ANKRD42: variants seen among roughly 807,000 people sequenced by gnomAD.
The protein encoded by ANKRD42 is ankyrin repeat domain 42.
In ANKRD42, 43 loss-of-function variants were observed where a neutral mutation model predicts 51.5. That is an observed-to-expected ratio of 0.83 (90% CI 0.65 to 1.08). The LOEUF (loss-of-function observed/expected upper bound fraction) is 1.08, where lower values mean the gene tolerates loss of function less well. Ranked by LOEUF, ANKRD42 falls within the 50% of genes least tolerant of loss-of-function variation. The pLI is 0.00. For synonymous variants in ANKRD42, 203 were observed against 213.0 expected, an observed-to-expected ratio of 0.95 and a Z score of 0.41; for missense variants, 608 against 629.3, an observed-to-expected ratio of 0.97 and a Z score of 0.36.
At position 83,248,341 on chromosome 11, in the gene ANKRD42, T is replaced by G; in HGVS notation, c.*137T>G. The G allele has an allele frequency of 7.3e-7, 1 of 1,372,008 alleles. No homozygotes were observed. The highest frequency in any genetic ancestry group is 9.3e-7 in the Non-Finnish European group (1 of 1,071,294). 85.0% of individuals were successfully genotyped at this position (1,372,008 alleles called of 1,614,324 possible). On this transcript the variant is annotated 3_prime_UTR_variant, in exon 11 of 11. Coordinates refer to ENST00000533342, the MANE Select transcript of ANKRD42 (RefSeq NM_001300975.2). ...CACACACACACACACACACACTCTA[T>G]ATGTAACTATAACTTTCTAGATACA...
chr11:83,194,286 C>T lies in ANKRD42; in HGVS notation c.-385C>T, dbSNP rs776660559. 4.1e-6 allele frequency: 2 copies of T among 483,042 alleles called. No homozygotes were observed. Among genetic ancestry groups the T allele is most frequent in the South Asian group, 3.1e-5 (2 of 64,770 alleles). 29.9% of individuals were successfully genotyped at this position (483,042 alleles called of 1,614,324 possible). On this transcript the variant is annotated 5_prime_UTR_variant, in exon 1 of 11. Coordinates refer to ENST00000533342, the MANE Select transcript of ANKRD42 (RefSeq NM_001300975.2). ...ACATTCGGGACCCGCGAACTAGTGACTTCGGGGATAGAGTCAGTGACGATC... is the reference window on the plus strand; with the variant it reads ...ACATTCGGGACCCGCGAACTAGTGATTTCGGGGATAGAGTCAGTGACGATC...
intron 3 of ANKRD42, among the ~76,000 whole-genome samples, chr11:83,208,083 C>T (rs1401191740): frequency 1.3e-5 from 2 of 151,948 alleles, no homozygotes; most frequent in Non-Finnish European, 2.9e-5. Context: ...GAGTGCAGTG[C>T]CCTGGTCATG....
At chr11:83,233,154 G>C (rs532634708) in intron 7 of ANKRD42, among the ~76,000 whole-genome samples, 15 of 150,990 alleles carry the variant, frequency 9.9e-5, no homozygotes, top group Non-Finnish European at 2.2e-4. Context: ...GAGTAGGATT[G>C]GTATTAGTTC....
At chr11:83,241,759 A>G (rs767795555) in intron 9 of ANKRD42, among the ~76,000 whole-genome samples, 12 of 152,080 alleles carry the variant, frequency 7.9e-5, no homozygotes, top group Non-Finnish European at 1.8e-4. Context: ...TTAAATAGCC[A>G]TTGTTGGGAT....
chr11:83,198,298 T>C (rs1294061515), intron 1 of ANKRD42, among the ~76,000 whole-genome samples, 181 bp from the exon 2 acceptor site: 2 of 152,246 alleles, frequency 1.3e-5, no homozygotes, highest in Non-Finnish European at 2.9e-5. Flanking sequence ...TCAACTTCCA[T>C]GCTTTTTACA....
Position 83,225,564 on chromosome 11 carries a change from CAA to C in ANKRD42, c.787+521_787+522del, listed in dbSNP as rs34199371. On this transcript the variant is annotated intron_variant, in intron 6 of 10. Coordinates refer to ENST00000533342, the MANE Select transcript of ANKRD42 (RefSeq NM_001300975.2). ...TGGGTGACAAAATGAGACCCTGTCT[CAA>C]AAAAAAAAAAAGAAAAAGATTAACA... Among the ~76,000 whole-genome samples the C allele has an allele frequency of 5.9e-4, 80 of 136,252 alleles. No homozygotes were observed. In the South Asian group the frequency reaches 8.2e-3, roughly 14 times the overall value. The allele number at this position is 136,252 out of a possible 152,430, so 89.4% of individuals were successfully genotyped here. A position where few individuals can be genotyped will look rare whatever the true frequency, so the allele number is the denominator to read the frequency against.
chr11:83,213,375 G>T (rs1395859440), intron 5 of ANKRD42: 9 of 1,575,154 alleles, frequency 5.7e-6, no homozygotes, highest in Non-Finnish European at 6.0e-6. Flanking sequence ...CAACCCCAAC[G>T]CCAGGCTGCG....
intron 11 of ANKRD42, among the ~76,000 whole-genome samples, chr11:83,255,318 G>A (rs779192567): frequency 6.6e-6 from 1 of 152,178 alleles, no homozygotes; most frequent in Non-Finnish European, 1.5e-5. Flanking sequence ...AGATGGATAA[G>A]AAATATTTAG....
intron 5 of ANKRD42, chr11:83,212,909 T>C: frequency 6.8e-7 from 1 of 1,462,614 alleles, no homozygotes; most frequent in East Asian, 2.5e-5. Flanking sequence ...GTAAGTTTTT[T>C]TTTTTAAAGT....
downstream of ANKRD42, chr11:83,259,243 G>A (rs1863830570): frequency 6.6e-6 from 1 of 152,058 alleles, no homozygotes; most frequent in African/African-American, 2.4e-5. Context: ...TAGAGGTATA[G>A]TTTTAAGGCA....
chr11:83,247,973 G>A lies in ANKRD42; in HGVS notation c.1353G>A (p.Glu451=). The change falls in exon 11 of 11, where the codon GAG becomes GAA. Residue 451 remains glutamate, a synonymous_variant. Coordinates refer to ENST00000533342, the MANE Select transcript of ANKRD42 (RefSeq NM_001300975.2). Reference sequence around the variant, plus strand: ...TCAAAGAACTGCAGGGCCAGCTGGAGTATGAACGACTACGTAGAGAAAAAT... The same window carrying A: ...TCAAAGAACTGCAGGGCCAGCTGGAATATGAACGACTACGTAGAGAAAAAT... ...KTIKELQGQL[E]YERLRREKLE... 1.2e-6 allele frequency: 2 copies of A among 1,613,698 alleles called. No homozygotes were observed. Among genetic ancestry groups the A allele is most frequent in the Non-Finnish European group, 1.7e-6 (2 of 1,179,878 alleles).
intron 3 of ANKRD42, among the ~76,000 whole-genome samples, chr11:83,207,240 C>G (rs562738955): frequency 4.1e-4 from 63 of 152,272 alleles, no homozygotes; most frequent in African/African-American, 1.5e-3. Context: ...TCAATTACCT[C>G]CCACTGTGTC....
At chr11:83,198,760 T>C in intron 2 of ANKRD42, 118 bp downstream of exon 2, 1 of 943,502 alleles carries the variant, frequency 1.1e-6, no homozygotes, top group Non-Finnish European at 1.5e-6. Context: ...TTTTCAGTCA[T>C]AGTCAGTTTA....
At chr11:83,225,326 G>A (rs1236009248) in intron 6 of ANKRD42, among the ~76,000 whole-genome samples, 1 of 152,088 alleles carries the variant, frequency 6.6e-6, no homozygotes, top group Non-Finnish European at 1.5e-5. Context: ...CAGAACTTCG[G>A]GAGTCTGAGG....
At chr11:83,260,261 A>C (rs1863868342), downstream of ANKRD42, 1 of 152,218 alleles carries the variant, frequency 6.6e-6, no homozygotes. Context: ...ATGAGAATGA[A>C]ACCATGTTCA....
intron 9 of ANKRD42, among the ~76,000 whole-genome samples, chr11:83,242,384 G>A (rs1384751706): frequency 6.6e-6 from 1 of 151,956 alleles, no homozygotes; most frequent in African/African-American, 2.4e-5. Context: ...TCAGGAGAGA[G>A]TTGTTTATGG....
chr11:83,210,554 G>A, intron 4 of ANKRD42, 135 bp downstream of exon 4: 2 of 1,121,674 alleles, frequency 1.8e-6, no homozygotes, highest in South Asian at 3.4e-5. Flanking sequence ...TTTCTCTCTA[G>A]CTTTTCTATC....
chr11:83,225,068 G>A lies in ANKRD42; in HGVS notation c.787+13G>A, dbSNP rs200866194. 9.2e-5 allele frequency: 148 copies of A among 1,600,766 alleles called. No individual in the cohort carries two copies. Among genetic ancestry groups the A allele is most frequent in the Middle Eastern group, 1.7e-4 (1 of 6,050 alleles). ...GAGGATCAGGAAAGTAAGTAATTAA[G>A]TTATATGTTCTAGCATATAATGTGA... On this transcript the variant is annotated intron_variant, in intron 6 of 10. Transcript: ENST00000533342.
intron 7 of ANKRD42, among the ~76,000 whole-genome samples, chr11:83,231,787 C>T (rs941965021): frequency 6.6e-6 from 1 of 152,046 alleles, no homozygotes; most frequent in Non-Finnish European, 1.5e-5. Flanking sequence ...CCAGTTTTTT[C>T]CAGCACCATT....
Sources: allele counts gnomAD v4.1 joint callset (sites outside exome capture counted in the v4.1 genomes callset), GRCh38; gene constraint gnomAD v4.1.1; transcripts MANE v1.5; gene names NCBI Gene and HGNC (gene_info 2026-07-23, HGNC 2026-07-21).